The following DLG2 variants were observed in gnomAD, a reference collection of about 807,000 sequenced individuals.
The protein encoded by DLG2 is disks large homolog 2.
Under a neutral mutation model 132.5 loss-of-function variants are expected in DLG2, and 45 were observed. The ratio of observed to expected loss-of-function variants is 0.34; its 90% CI spans 0.27 to 0.44. The LOEUF (loss-of-function observed/expected upper bound fraction) is 0.44, where lower values mean the gene tolerates loss of function less well. Ranked by LOEUF, DLG2 falls within the 20% of genes least tolerant of loss-of-function variation. The pLI is 1.00. For synonymous variants in DLG2, 424 were observed against 419.6 expected, an observed-to-expected ratio of 1.01 and a Z score of -0.13; for missense variants, 1,045 against 1,196.9, an observed-to-expected ratio of 0.87 and a Z score of 1.87.
Position 84,960,805 on chromosome 11 carries a change from A to G in DLG2, c.357+150856T>C, listed in dbSNP as rs1364512134. Among the ~76,000 whole-genome samples the G allele has an allele frequency of 2.6e-5, 4 of 152,134 alleles. 1 individual carries two copies. The South Asian group carries it at 8.3e-4, about 32-fold the overall frequency. On this transcript the variant is annotated intron_variant, in intron 6 of 27. Coordinates refer to ENST00000376104, the MANE Select transcript of DLG2 (RefSeq NM_001142699.3). ...TAGTAAATACTGATTTTTGATGATGATGATGATGGTGATGATGACAATGAC... is the reference window on the plus strand; with the variant it reads ...TAGTAAATACTGATTTTTGATGATGGTGATGATGGTGATGATGACAATGAC...
chr11:83,807,636 G>A (rs2046242722), intron 17 of DLG2, among the ~76,000 whole-genome samples: 1 of 152,176 alleles, frequency 6.6e-6, no homozygotes, highest in African/African-American at 2.4e-5. Flanking sequence ...AATAAAGGGA[G>A]AAGAAATCAA....
intron 3 of DLG2, among the ~76,000 whole-genome samples, chr11:85,309,210 C>CA (rs976687585): frequency 4.0e-4 from 60 of 151,592 alleles, no homozygotes; most frequent in Admixed American, 2.3e-3. Context: ...AATCCACCTG[C>CA]AAAAAAAATG....
intron 7 of DLG2, among the ~76,000 whole-genome samples, chr11:84,343,069 G>A (rs536256654): frequency 2.0e-5 from 3 of 152,294 alleles, no homozygotes; most frequent in East Asian, 3.9e-4. Context: ...CAAAAACAAT[G>A]AGAAAGTTTA....
intron 11 of DLG2, among the ~76,000 whole-genome samples, chr11:84,042,910 A>G (rs574542461): frequency 1.3e-5 from 2 of 151,956 alleles, no homozygotes; most frequent in African/African-American, 4.8e-5. Context: ...GGAGAGCAAC[A>G]GGAAAAAGAG....
intron 7 of DLG2, among the ~76,000 whole-genome samples, chr11:84,463,503 A>G (rs2099085823): frequency 1.3e-5 from 2 of 151,214 alleles, no homozygotes; most frequent in South Asian, 4.1e-4. Flanking sequence ...ATTGGCAGAC[A>G]GTGCCTGAGC....
At chr11:83,822,760 T>A (rs2051197651) in intron 17 of DLG2, among the ~76,000 whole-genome samples, 1 of 152,172 alleles carries the variant, frequency 6.6e-6, no homozygotes. Context: ...ATCTGTTATT[T>A]CTCCAATAAA....
intron 6 of DLG2, among the ~76,000 whole-genome samples, chr11:84,929,023 T>TATATATATATA: frequency 1.5e-5 from 2 of 131,700 alleles, no homozygotes; most frequent in South Asian, 5.0e-4. Context: ...TATATATATA[T>TATATATATATA]ATTACTGTGA....
intron 11 of DLG2, 46 bp from the exon 12 acceptor site, chr11:83,980,688 A>G (rs767378864): frequency 1.4e-5 from 20 of 1,452,498 alleles, no homozygotes; most frequent in Non-Finnish European, 1.8e-5. Context: ...TTGTTGTTGT[A>G]GTTGTTTTTA....
intron 6 of DLG2, among the ~76,000 whole-genome samples, chr11:85,010,537 G>T (rs1940122): frequency 0.71 from 107,484 of 151,936 alleles, 39,028 homozygotes; most frequent in East Asian, 0.92. Flanking sequence ...TCTAGTGGGC[G>T]GGTAAAGATA....
chr11:84,780,000 A>C (rs534767799), intron 6 of DLG2, among the ~76,000 whole-genome samples: 5 of 152,210 alleles, frequency 3.3e-5, no homozygotes, highest in South Asian at 4.1e-4. Flanking sequence ...AATCGTTCAA[A>C]TCAAAGAAGA....
chr11:83,534,761 A>C (rs2095841772), intron 20 of DLG2, among the ~76,000 whole-genome samples: 1 of 152,064 alleles, frequency 6.6e-6, no homozygotes. Flanking sequence ...ACAGGGTGAA[A>C]CCCTGTTTCT....
intron 6 of DLG2, among the ~76,000 whole-genome samples, chr11:84,696,625 G>A (rs1302091467): frequency 6.6e-6 from 1 of 151,484 alleles, no homozygotes; most frequent in Non-Finnish European, 1.5e-5. Flanking sequence ...AGTCAAGGAA[G>A]CAAAAACAAG....
At chr11:85,252,959 T>C (rs1287646370) in intron 4 of DLG2, among the ~76,000 whole-genome samples, 1 of 152,222 alleles carries the variant, frequency 6.6e-6, no homozygotes, top group East Asian at 1.9e-4. Context: ...AGGAGTCTAT[T>C]AAGTTCTCAA....
chr11:84,950,539 T>C (rs1307531626), intron 6 of DLG2, among the ~76,000 whole-genome samples: 1 of 152,176 alleles, frequency 6.6e-6, no homozygotes, highest in South Asian at 2.1e-4. Context: ...TATAAATCTA[T>C]ATACATTCAT....
chr11:84,108,444 T>A (rs2093119535), intron 9 of DLG2, among the ~76,000 whole-genome samples: 1 of 151,936 alleles, frequency 6.6e-6, no homozygotes, highest in Non-Finnish European at 1.5e-5. Context: ...AAGAAAGACC[T>A]AGGGTAGAAG....
chr11:84,362,439 T>C (rs897956683), intron 7 of DLG2, among the ~76,000 whole-genome samples: 1 of 151,986 alleles, frequency 6.6e-6, no homozygotes, highest in Admixed American at 6.6e-5. Flanking sequence ...GGCAAGTGTT[T>C]GTTCTATGGG....
chr11:84,435,549 C>T (rs1418249747), intron 7 of DLG2, among the ~76,000 whole-genome samples: 3 of 152,178 alleles, frequency 2.0e-5, no homozygotes, highest in Non-Finnish European at 4.4e-5. Flanking sequence ...TGGTCTTTGT[C>T]ACTCAGAGAG....
chr11:85,210,674 C>A (rs1030581795), intron 4 of DLG2, among the ~76,000 whole-genome samples: 3 of 152,094 alleles, frequency 2.0e-5, no homozygotes, highest in African/African-American at 4.8e-5. Flanking sequence ...TGAGGCCAAG[C>A]CTTCCCCAAG....
At chr11:84,490,814 T>C (rs1269681286) in intron 7 of DLG2, among the ~76,000 whole-genome samples, 1 of 152,082 alleles carries the variant, frequency 6.6e-6, no homozygotes, top group Non-Finnish European at 1.5e-5. Flanking sequence ...TGACATCCTC[T>C]ATTTTCTAGA....
Sources: allele counts gnomAD v4.1 joint callset (sites outside exome capture counted in the v4.1 genomes callset), GRCh38; gene constraint gnomAD v4.1.1; transcripts MANE v1.5; gene names NCBI Gene and HGNC (gene_info 2026-07-23, HGNC 2026-07-21).